The following GAB4 variants were observed in gnomAD, a reference collection of about 807,000 sequenced individuals.
The protein encoded by GAB4 is GRB2-associated-binding protein 4.
A neutral mutation model predicts 51.3 loss-of-function variants in GAB4; 26 were observed. The ratio of observed to expected loss-of-function variants is 0.51; its 90% CI spans 0.37 to 0.70. The LOEUF (loss-of-function observed/expected upper bound fraction) is 0.70. Ranked by LOEUF, GAB4 falls within the 30% of genes least tolerant of loss-of-function variation. The probability of loss-of-function intolerance (pLI) is 0.00; values close to 1 mark genes in which losing one functional copy is unlikely to be tolerated. For synonymous variants in GAB4, 329 were observed against 291.2 expected (o/e 1.13, Z -1.32); for missense variants, 759 against 734.6 (o/e 1.03, Z -0.38).
intron 1 of GAB4, among the ~76,000 whole-genome samples, chr22:17,000,995 A>T (rs1409843917): frequency 6.6e-6 from 1 of 152,258 alleles, no homozygotes; most frequent in East Asian, 1.9e-4. Flanking sequence ...GTAGAGTTTC[A>T]GCCGAGAGAT....
intron 3 of GAB4, among the ~76,000 whole-genome samples, chr22:16,973,137 T>C (rs755651342): frequency 2.0e-5 from 3 of 152,162 alleles, no homozygotes; most frequent in Non-Finnish European, 4.4e-5. Context: ...AGATCCTCTA[T>C]CTCCAAGCAT....
chr22:17,001,648 T>C (rs146286312), intron 1 of GAB4, among the ~76,000 whole-genome samples: 15 of 152,354 alleles, frequency 9.8e-5, no homozygotes, highest in African/African-American at 3.6e-4. Flanking sequence ...TGTCAACTCG[T>C]CAAAGTCATT....
At chr22:16,969,526 C>A (rs2060711560) in intron 4 of GAB4, 2 of 489,900 alleles carry the variant, frequency 4.1e-6, no homozygotes, top group Non-Finnish European at 7.1e-6. Context: ...TCTCCCTTGG[C>A]CATGGGAGAC....
At chr22:17,005,565 C>A (rs1601295942) in intron 1 of GAB4, among the ~76,000 whole-genome samples, 1 of 152,160 alleles carries the variant, frequency 6.6e-6, no homozygotes, top group East Asian at 1.9e-4. Flanking sequence ...GCAAAAATAA[C>A]AAAGCTGGAA....
rs937823784 is a variant in GAB4, at chr22:16,962,611, A to T, written c.*122T>A. On this transcript the variant is annotated 3_prime_UTR_variant, in exon 10 of 10. Transcript: ENST00000400588. The stretch of plus-strand genomic sequence containing the variant: ...TGGGCCCCAAGCAGGCAAAGGATGT[A>T]TATTGATCAGGCCTCTGCTCTCTAT... 5.7e-6 allele frequency: 5 copies of T among 875,594 alleles called. No individual in the cohort carries two copies. In the African/African-American group the frequency reaches 8.4e-5, roughly 15 times the overall value. 54.2% of individuals were successfully genotyped at this position (875,594 alleles called of 1,614,324 possible). A position where few individuals can be genotyped will look rare whatever the true frequency, so the allele number is the denominator to read the frequency against.
chr22:16,983,470 A>G (rs2060843010), intron 3 of GAB4, among the ~76,000 whole-genome samples: 1 of 152,174 alleles, frequency 6.6e-6, no homozygotes, highest in African/African-American at 2.4e-5. Context: ...TTTATATGAA[A>G]CCACACTAGG....
intron 1 of GAB4, among the ~76,000 whole-genome samples, chr22:16,996,222 A>G (rs2060948119): frequency 6.6e-6 from 1 of 151,918 alleles, no homozygotes; most frequent in Non-Finnish European, 1.5e-5. Context: ...ATTGAAGATT[A>G]ACTTAATGAA....
rs1195182214 is a variant in GAB4, at chr22:16,962,465, TGA to T, written c.*266_*267del. The T allele has an allele frequency of 3.1e-6, 1 of 326,040 alleles. No individual in the cohort carries two copies. Among genetic ancestry groups the T allele is most frequent in the Non-Finnish European group, 5.6e-6 (1 of 178,700 alleles). The allele number at this position is 326,040 out of a possible 1,614,324, so 20.2% of individuals were successfully genotyped here. On this transcript the variant is annotated 3_prime_UTR_variant, in exon 10 of 10. Transcript: ENST00000400588. ...AGAGGCTGAGGACCATGAGTAAGTG[TGA>T]GAGTGGAAATCTGTTGGGAGCCCGG...
intron 3 of GAB4, among the ~76,000 whole-genome samples, chr22:16,985,844 T>C (rs974815282): frequency 3.3e-5 from 5 of 152,230 alleles, no homozygotes; most frequent in Non-Finnish European, 5.9e-5. Flanking sequence ...GATAAAGACA[T>C]ACTATATGCC....
At chr22:16,991,772 C>T (rs1327732232) in intron 2 of GAB4, 101 bp downstream of exon 2, 1 of 1,014,922 alleles carries the variant, frequency 9.9e-7, no homozygotes, top group Non-Finnish European at 1.5e-6. Context: ...ACGAGCCCAA[C>T]ACTTCTTGGC....
chr22:17,007,999 T>G lies in GAB4; in HGVS notation c.116A>C (p.His39Pro). The part of the protein sequence containing the change: ...GPAGGSTRSG[H>P]VLYSGWLRKS... ...CCTCAGCCAGCCGCTGTACAGCACG[T>G]GGCCACTTCTCGTGCTTCCGCCGGC... is the stretch of plus-strand genomic sequence containing the variant. The change falls in exon 1 of 10, where the codon CAC (histidine) becomes CCC (proline). Residue 39 changes from histidine (H) to proline (P), a missense_variant. This residue lies in a region of GAB4 where 83 missense variants were observed against 73.1 expected (regional missense o/e 1.14). Transcript: ENST00000400588. 1 of 1,612,554 alleles carries G rather than the reference T, an allele frequency of 6.2e-7. No homozygotes were observed. The highest frequency in any genetic ancestry group is 1.3e-5 in the African/African-American group (1 of 74,938).
chr22:16,989,920 T>C (rs942679893), intron 2 of GAB4, among the ~76,000 whole-genome samples: 11 of 152,186 alleles, frequency 7.2e-5, no homozygotes, highest in Admixed American at 6.5e-4. Context: ...AATCTGAACC[T>C]GCAGCTCAGG....
chr22:16,963,023 T>A, intron 9 of GAB4, 147 bp from the exon 10 acceptor site: 2 of 689,896 alleles, frequency 2.9e-6, no homozygotes, highest in Non-Finnish European at 4.8e-6. Context: ...GCCTGGGCTT[T>A]AAAGCCTCAA....
intron 3 of GAB4, among the ~76,000 whole-genome samples, chr22:16,981,294 GCAAT>G (rs1191311438): frequency 1.3e-5 from 2 of 150,666 alleles, no homozygotes; most frequent in Non-Finnish European, 3.0e-5. Context: ...GTTCATAGCA[GCAAT>G]AAATAAAATT....
intron 1 of GAB4, among the ~76,000 whole-genome samples, chr22:16,993,449 T>C (rs2060928536): frequency 6.6e-6 from 1 of 152,218 alleles, no homozygotes; most frequent in Non-Finnish European, 1.5e-5. Flanking sequence ...TCCTACACTC[T>C]AGGACTCCTA....
Position 17,008,024 on chromosome 22 carries a change from C to T in GAB4, c.91G>A (p.Ala31Thr), listed in dbSNP as rs1265619360. The change falls in exon 1 of 10, where the codon GCC (alanine) becomes ACC (threonine). Residue 31 changes from alanine (A) to threonine (T), a missense_variant. Transcript: ENST00000400588. ...TGGCCACTTCTCGTGCTTCCGCCGGCGGGGCCACTTCCGGGCCACGAAGAC... is the reference window on the plus strand; with the variant it reads ...TGGCCACTTCTCGTGCTTCCGCCGGTGGGGCCACTTCCGGGCCACGAAGAC... Reference protein sequence around the residue: ...PLSSWPGSGPAGGSTRSGHVL... With the variant: ...PLSSWPGSGPTGGSTRSGHVL... The T allele has an allele frequency of 1.9e-6, 3 of 1,610,306 alleles. No individual in the cohort carries two copies. Among genetic ancestry groups the T allele is most frequent in the African/African-American group, 2.7e-5 (2 of 74,938 alleles).
chr22:17,007,653 G>A (rs1306800714), intron 1 of GAB4, among the ~76,000 whole-genome samples: 2 of 152,180 alleles, frequency 1.3e-5, no homozygotes, highest in Non-Finnish European at 2.9e-5. Context: ...GCGAGGCTGC[G>A]GAGCCTGCTG....
intron 2 of GAB4, 71 bp from the exon 3 acceptor site, chr22:16,988,238 A>C (rs1331150158): frequency 2.0e-6 from 2 of 992,244 alleles, no homozygotes; most frequent in African/African-American, 3.1e-5. Context: ...ACACATGAAG[A>C]CAGTGGCGGT....
intron 1 of GAB4, among the ~76,000 whole-genome samples, chr22:16,994,484 A>G (rs1254839525): frequency 6.6e-6 from 1 of 152,210 alleles, no homozygotes. Flanking sequence ...ATGTATATAC[A>G]TGTAGTGTGA....
Sources: allele counts gnomAD v4.1 joint callset (sites outside exome capture counted in the v4.1 genomes callset), GRCh38; gene constraint gnomAD v4.1.1; regional missense constraint gnomAD v4.1.1; transcripts MANE v1.5; gene names NCBI Gene and HGNC (gene_info 2026-07-23, HGNC 2026-07-21).